ESRRB: variants seen among roughly 807,000 people sequenced by gnomAD.
ESRRB encodes estrogen related receptor beta.
A neutral mutation model predicts 46.0 loss-of-function variants in ESRRB; 16 were observed. That is an observed-to-expected ratio of 0.35 (90% CI 0.24 to 0.53). The LOEUF is 0.53. Among genes scored for constraint, ESRRB ranks in the 20% least tolerant of loss-of-function variants. The pLI, the probability that ESRRB is intolerant of heterozygous loss-of-function variation, is 0.93. For synonymous variants in ESRRB, 246 were observed against 259.6 expected, an observed-to-expected ratio of 0.95 and a Z score of 0.50; for missense variants, 488 against 607.4, an observed-to-expected ratio of 0.80 and a Z score of 2.07.
intron 1 of ESRRB, among the ~76,000 whole-genome samples, chr14:76,339,069 T>C (rs1309165697): frequency 6.6e-6 from 1 of 152,216 alleles, no homozygotes; most frequent in Non-Finnish European, 1.5e-5. Context: ...CTTCCAGTTA[T>C]TTTCTCCTCT....
At chr14:76,327,487 A>AATGATGATGATG (rs10543425) in intron 1 of ESRRB, among the ~76,000 whole-genome samples, 41 of 150,744 alleles carry the variant, frequency 2.7e-4, no homozygotes, top group African/African-American at 9.5e-4. Context: ...TGATGATGAT[A>AATGATGATGATG]ATGATGATGA....
intron 1 of ESRRB, among the ~76,000 whole-genome samples, chr14:76,354,051 G>A (rs1418136427): frequency 6.6e-6 from 1 of 152,158 alleles, no homozygotes; most frequent in Non-Finnish European, 1.5e-5. Flanking sequence ...GCCTATGTCA[G>A]CCCCGCTGGG....
At chr14:76,324,963 C>CTTTTTTTTTTT (rs34780208) in intron 1 of ESRRB, among the ~76,000 whole-genome samples, 14 of 102,138 alleles carry the variant, frequency 1.4e-4, no homozygotes, top group South Asian at 3.6e-4. Flanking sequence ...TTTTCTTTTT[C>CTTTTTTTTTTT]TTTTTTTTTT....
intron 5 of ESRRB, among the ~76,000 whole-genome samples, chr14:76,488,132 T>A (rs925511860): frequency 2.0e-5 from 3 of 152,152 alleles, no homozygotes; most frequent in Non-Finnish European, 4.4e-5. Flanking sequence ...TTTCTCAATT[T>A]TCCTTCTGGT....
At chr14:76,480,163 G>T (rs1306737234) in intron 3 of ESRRB, among the ~76,000 whole-genome samples, 3 of 152,134 alleles carry the variant, frequency 2.0e-5, no homozygotes, top group Non-Finnish European at 4.4e-5. Context: ...CTGACCAGGG[G>T]AATTACCTTT....
intron 5 of ESRRB, among the ~76,000 whole-genome samples, chr14:76,486,367 C>A (rs1043508704): frequency 6.6e-6 from 1 of 152,138 alleles, no homozygotes; most frequent in South Asian, 2.1e-4. Flanking sequence ...AGTCCCTCAG[C>A]GGCACTGCTC....
intron 1 of ESRRB, among the ~76,000 whole-genome samples, chr14:76,345,400 C>T (rs574960782): frequency 2.6e-5 from 4 of 152,248 alleles, no homozygotes; most frequent in African/African-American, 9.6e-5. Context: ...ATAGACAATT[C>T]TCAAAAGAAG....
intron 1 of ESRRB, among the ~76,000 whole-genome samples, chr14:76,314,554 CA>C (rs1178261024): frequency 6.6e-6 from 1 of 152,156 alleles, no homozygotes; most frequent in Non-Finnish European, 1.5e-5. Context: ...TCCCCTTTAG[CA>C]CACCAATTAA....
chr14:76,377,535 T>C (rs2139792055), intron 1 of ESRRB, among the ~76,000 whole-genome samples: 1 of 152,302 alleles, frequency 6.6e-6, no homozygotes, highest in Admixed American at 6.5e-5. Context: ...CATAAAACTC[T>C]AGGTTCTTAC....
rs35368784 is a variant in ESRRB at position 76,388,175 on chromosome 14, C to CTTTTT, written c.50+11741_50+11745dup. On this transcript the variant is annotated intron_variant, in intron 1 of 6. Coordinates refer to ENST00000644823, the MANE Select transcript of ESRRB (RefSeq NM_001379180.1). ...TCTAGAATTTCAGCTTTCTTTCATTCTTTTTTTTTTTTTTTTTTTTTGAGA... is the reference window on the plus strand; with the variant it reads ...TCTAGAATTTCAGCTTTCTTTCATTCTTTTTTTTTTTTTTTTTTTTTTTTTTGAGA... Among the ~76,000 whole-genome samples the CTTTTT allele has an allele frequency of 8.2e-4, 97 of 118,228 alleles. 2 individuals carry two copies. The highest frequency in any genetic ancestry group is 2.0e-3 in the African/African-American group (57 of 28,334). 77.6% of individuals were successfully genotyped at this position (118,228 alleles called of 152,430 possible).
intron 3 of ESRRB, among the ~76,000 whole-genome samples, chr14:76,465,713 G>A (rs1011667379): frequency 4.6e-5 from 7 of 152,328 alleles, no homozygotes; most frequent in African/African-American, 1.4e-4. Flanking sequence ...AGACATGCTC[G>A]GCTCGAAAAG....
intron 5 of ESRRB, among the ~76,000 whole-genome samples, chr14:76,489,044 A>T (rs909344946): frequency 1.3e-5 from 2 of 152,090 alleles, no homozygotes; most frequent in African/African-American, 2.4e-5. Flanking sequence ...AAGGGCAGAA[A>T]AGCATTCTAG....
At chr14:76,463,895 G>T (rs74814050) in intron 3 of ESRRB, among the ~76,000 whole-genome samples, 3 of 151,930 alleles carry the variant, frequency 2.0e-5, no homozygotes, top group African/African-American at 7.3e-5. Context: ...TAGAGGCAAG[G>T]TCTTGCCATG....
chr14:76,462,531 G>A lies in ESRRB; in HGVS notation c.461-14G>A, dbSNP rs1566599300. On this transcript the variant is annotated splice_polypyrimidine_tract_variant and intron_variant, in intron 2 of 6. Transcript: ENST00000644823. ...CGGCCAGCACCCGGCAACCCTCTCT[G>A]TGTCTGGTTGCAGGGAACATTGAGT... is the stretch of plus-strand genomic sequence containing the variant. 1.2e-6 allele frequency: 2 copies of A among 1,607,618 alleles called. No individual in the cohort carries two copies. Among genetic ancestry groups the A allele is most frequent in the Middle Eastern group, 1.7e-4 (1 of 6,028 alleles).
intron 1 of ESRRB, among the ~76,000 whole-genome samples, chr14:76,422,877 C>G (rs975984309): frequency 6.6e-6 from 1 of 152,100 alleles, no homozygotes; most frequent in African/African-American, 2.4e-5. Flanking sequence ...GGCAGGGGGC[C>G]GTGAAACATT....
chr14:76,320,653 G>T (rs1225991599), intron 1 of ESRRB, among the ~76,000 whole-genome samples: 1 of 152,212 alleles, frequency 6.6e-6, no homozygotes, highest in Non-Finnish European at 1.5e-5. Context: ...GCCCAGTGTC[G>T]ACTTGGCTGT....
intron 1 of ESRRB, among the ~76,000 whole-genome samples, chr14:76,408,529 C>T (rs1254116969): frequency 1.4e-5 from 2 of 141,782 alleles, no homozygotes; most frequent in East Asian, 2.2e-4. Context: ...GAGGTCAAGG[C>T]TGCAGTGAAC....
At chr14:76,426,564 A>G (rs1477650423) in intron 1 of ESRRB, among the ~76,000 whole-genome samples, 2 of 152,236 alleles carry the variant, frequency 1.3e-5, no homozygotes, top group Non-Finnish European at 2.9e-5. Flanking sequence ...AAGACATGCC[A>G]TTGATTTCAG....
chr14:76,345,640 G>A (rs908890893), intron 1 of ESRRB, among the ~76,000 whole-genome samples: 13 of 122,078 alleles, frequency 1.1e-4, no homozygotes, highest in South Asian at 3.2e-4. Flanking sequence ...GTGGAGATTC[G>A]TGAAAGAACT....
Sources: gnomAD v4.1 joint callset for allele counts (sites outside exome capture counted in the v4.1 genomes callset) on GRCh38, gnomAD v4.1.1 for gene constraint, MANE v1.5 for transcripts, NCBI Gene and HGNC (gene_info 2026-07-23, HGNC 2026-07-21) for gene names.